The following DLC1 variants were observed in gnomAD, a reference collection of about 807,000 sequenced individuals.
DLC1 encodes rho GTPase-activating protein 7.
DLC1 carries 54 observed loss-of-function variants against 140.3 expected under a neutral mutation model. That is an observed-to-expected ratio of 0.38 (90% CI 0.31 to 0.48). DLC1 has a LOEUF of 0.48. DLC1 is among the 20% of genes least tolerant of loss of function. The pLI is 0.96. For synonymous variants in DLC1, 986 were observed against 728.1 expected (o/e 1.35, Z -5.70); for missense variants, 2,536 against 1,907.0 (o/e 1.33, Z -6.14).
At chr8:13,171,155 G>A (rs1825450230) in intron 5 of DLC1, among the ~76,000 whole-genome samples, 1 of 152,196 alleles carries the variant, frequency 6.6e-6, no homozygotes, top group Admixed American at 6.5e-5. Context: ...CCCTCTAGTT[G>A]CAATTAGAGA....
intron 2 of DLC1, 108 bp downstream of exon 2, chr8:13,498,941 G>A: frequency 7.5e-7 from 1 of 1,326,108 alleles, no homozygotes; most frequent in East Asian, 2.4e-5. Flanking sequence ...GCATAACAGG[G>A]CAAAAGAACC....
intron 5 of DLC1, chr8:13,214,557 CTTTTT>C (rs34727279): frequency 2.5e-4 from 142 of 579,326 alleles, no homozygotes; most frequent in South Asian, 2.9e-4. Context: ...CCAACCCCAC[CTTTTT>C]TTTTTTTTTT....
chr8:13,349,103 C>G (rs563056739), intron 4 of DLC1, among the ~76,000 whole-genome samples: 10 of 152,232 alleles, frequency 6.6e-5, no homozygotes, highest in Admixed American at 3.3e-4. Flanking sequence ...GAAGTTTACT[C>G]TCTGGAGACA....
chr8:13,191,565 G>A (rs927870109), intron 5 of DLC1, among the ~76,000 whole-genome samples: 3 of 152,308 alleles, frequency 2.0e-5, no homozygotes, highest in Middle Eastern at 3.4e-3. Context: ...GCCTGGTGGC[G>A]TGCACTGAAG....
At chr8:13,399,761 A>G (rs981309214) in intron 3 of DLC1, among the ~76,000 whole-genome samples, 1 of 152,216 alleles carries the variant, frequency 6.6e-6, no homozygotes, top group African/African-American at 2.4e-5. Context: ...TATGTTAAAG[A>G]CATCCTTAAA....
intron 9 of DLC1, 103 bp from the exon 10 acceptor site, chr8:13,098,678 C>A: frequency 8.1e-7 from 1 of 1,233,800 alleles, no homozygotes; most frequent in Non-Finnish European, 1.1e-6. Flanking sequence ...TGCAGTGGTG[C>A]CATCACAGCT....
intron 5 of DLC1, among the ~76,000 whole-genome samples, chr8:13,209,805 T>C (rs1275676187): frequency 3.3e-5 from 5 of 152,168 alleles, no homozygotes; most frequent in African/African-American, 1.2e-4. Flanking sequence ...GATTGTAAGC[T>C]TACTGAGGCC....
At chr8:13,285,970 T>G (rs1831522722) in intron 5 of DLC1, among the ~76,000 whole-genome samples, 1 of 152,114 alleles carries the variant, frequency 6.6e-6, no homozygotes, top group Admixed American at 6.6e-5. Flanking sequence ...TTAGATGTGA[T>G]GATGAAAAGC....
chr8:13,191,065 A>G (rs769061914), intron 5 of DLC1, among the ~76,000 whole-genome samples: 23 of 152,224 alleles, frequency 1.5e-4, no homozygotes, highest in Non-Finnish European at 3.1e-4. Flanking sequence ...GGTTTCCATC[A>G]GCTCCACAAG....
chr8:13,567,486 T>G, intron 1 of DLC1: 1 of 1,552,096 alleles, frequency 6.4e-7, no homozygotes, highest in Non-Finnish European at 8.7e-7. Flanking sequence ...ATGCCTTTAG[T>G]TGTACTGTAC....
At chr8:13,313,770 G>C (rs1832766812) in intron 4 of DLC1, among the ~76,000 whole-genome samples, 1 of 152,082 alleles carries the variant, frequency 6.6e-6, no homozygotes, top group East Asian at 1.9e-4. Flanking sequence ...TATTTTCTGT[G>C]AGATTTTGAA....
chr8:13,526,465 T>C (rs2117296538), intron 1 of DLC1, among the ~76,000 whole-genome samples: 1 of 152,312 alleles, frequency 6.6e-6, no homozygotes, highest in South Asian at 2.1e-4. Flanking sequence ...TATTTAGTTT[T>C]CTAGTTTCTC....
intron 7 of DLC1, among the ~76,000 whole-genome samples, chr8:13,105,389 A>C (rs1484393505): frequency 6.6e-6 from 1 of 152,170 alleles, no homozygotes; most frequent in African/African-American, 2.4e-5. Context: ...AACGAGGCCT[A>C]CTGCGGGCCA....
At chr8:13,184,076 C>A (rs1292273348) in intron 5 of DLC1, among the ~76,000 whole-genome samples, 1 of 152,196 alleles carries the variant, frequency 6.6e-6, no homozygotes, top group Admixed American at 6.5e-5. Context: ...TTATCCATTT[C>A]TTCTAGATTT....
chr8:13,447,131 A>C (rs1311968967), intron 2 of DLC1, among the ~76,000 whole-genome samples: 1 of 152,168 alleles, frequency 6.6e-6, no homozygotes, highest in African/African-American at 2.4e-5. Flanking sequence ...CATGTATGCT[A>C]TGAGTCTCCA....
chr8:13,365,346 G>A (rs763708160), intron 4 of DLC1, among the ~76,000 whole-genome samples: 4 of 152,128 alleles, frequency 2.6e-5, no homozygotes, highest in Non-Finnish European at 5.9e-5. Context: ...GCTGATCCAC[G>A]CCTTTGGTGG....
At chr8:13,325,444 C>G (rs1833297767) in intron 4 of DLC1, among the ~76,000 whole-genome samples, 1 of 137,784 alleles carries the variant, frequency 7.3e-6, no homozygotes. Flanking sequence ...GACAATAGTT[C>G]TGTATACACA....
intron 2 of DLC1, among the ~76,000 whole-genome samples, chr8:13,422,217 C>A (rs1055904240): frequency 1.3e-5 from 2 of 151,968 alleles, no homozygotes; most frequent in Non-Finnish European, 2.9e-5. Context: ...TAAACTAATA[C>A]CTCAAAGTAA....
chr8:13,475,598 C>T (rs1025113127), intron 2 of DLC1, among the ~76,000 whole-genome samples: 11 of 152,130 alleles, frequency 7.2e-5, no homozygotes, highest in Admixed American at 1.3e-4. Flanking sequence ...AGTTTCACAA[C>T]GAAAAGAAAG....
Sources: allele counts gnomAD v4.1 joint callset (sites outside exome capture counted in the v4.1 genomes callset), GRCh38; gene constraint gnomAD v4.1.1; transcripts MANE v1.5; gene names NCBI Gene and HGNC (gene_info 2026-07-23, HGNC 2026-07-21).